CLBA1: variants seen among roughly 807,000 people sequenced by gnomAD.
The protein encoded by CLBA1 is uncharacterized protein CLBA1.
A neutral mutation model predicts 28.8 loss-of-function variants in CLBA1; 30 were observed. The observed-to-expected ratio is 1.04, with a 90% CI of 0.78 to 1.41. The LOEUF (loss-of-function observed/expected upper bound fraction) is 1.41, where lower values mean the gene tolerates loss of function less well. Among genes scored for constraint, CLBA1 ranks in the 40% most tolerant of loss-of-function variants. The pLI, the probability that CLBA1 is intolerant of heterozygous loss-of-function variation, is 0.00. For missense variants in CLBA1, 451 were observed against 412.3 expected (o/e 1.09, Z -0.81); for synonymous variants, 160 against 152.8 (o/e 1.05, Z -0.35).
intron 3 of CLBA1, among the ~76,000 whole-genome samples, chr14:104,992,226 C>T (rs538167808): frequency 7.3e-5 from 11 of 151,180 alleles, no homozygotes; most frequent in East Asian, 3.9e-4. Flanking sequence ...CATGCCGCCA[C>T]GCACACGCCA....
At chr14:104,998,279 T>C (rs1900191169), downstream of CLBA1, among the ~76,000 whole-genome samples, 1 of 151,786 alleles carries the variant, frequency 6.6e-6, no homozygotes, top group African/African-American at 2.4e-5. Flanking sequence ...CCTGGTGTGG[T>C]GGCGCTCACC....
In CLBA1 at chr14:104,986,477, C is replaced by T. The variant is rs764522465; in HGVS notation, c.46C>T (p.Gln16Ter). 9.3e-6 allele frequency: 15 copies of T among 1,613,220 alleles called. No individual in the cohort carries two copies. The highest frequency in any genetic ancestry group is 1.3e-5 in the Non-Finnish European group (15 of 1,180,028). The change falls in exon 1 of 5, where the codon CAG (glutamine) becomes TAG (stop). Residue 16 changes from glutamine to a stop codon, truncating the protein, a stop_gained. Coordinates refer to ENST00000547315, the MANE Select transcript of CLBA1 (RefSeq NM_174891.4). LOFTEE classifies it high-confidence loss of function. ...GGGGGGAGAGCCTTTGAGTGACCTC[C>T]AGGAGGAAGCAGCCAGCGCTTCCCT... The part of the protein sequence containing the change: ...ELGGEPLSDL[Q>*]EEAASASLRV...
rs1452476607 is a variant in CLBA1, at chr14:104,994,876, A to G, written c.*117A>G. On this transcript the variant is annotated 3_prime_UTR_variant, in exon 5 of 5. Transcript: ENST00000547315. ...TCCAGACCCCAGGCCCATTCCTGGG[A>G]TCTCTCCAACAGGACCTGTCCTGTG... 17 of 1,463,486 alleles carry G rather than the reference A, an allele frequency of 1.2e-5. No homozygotes were observed. Among genetic ancestry groups the G allele is most frequent in the South Asian group, 2.8e-5 (2 of 70,776 alleles). The allele number at this position is 1,463,486 out of a possible 1,614,324, so 90.7% of individuals were successfully genotyped here.
intron 2 of CLBA1, among the ~76,000 whole-genome samples, chr14:105,001,201 A>G (rs982054920): frequency 2.0e-5 from 3 of 152,222 alleles, no homozygotes; most frequent in African/African-American, 7.2e-5. Flanking sequence ...CGTGGAACCC[A>G]AAAAGTCAAA....
rs1339028883 is a variant in CLBA1, at chr14:104,995,307, T to TCAGA, written c.*548_*549insCAGA. ...GAGCCTCGCAGGTGCCCTCACTTAC[T>TCAGA]GCCTGGGCCCCTGCCCAGCAGCCTC... On this transcript the variant is annotated 3_prime_UTR_variant, in exon 5 of 5. Transcript: ENST00000547315. The TCAGA allele has an allele frequency of 1.0e-6, 1 of 985,404 alleles. No homozygotes were observed. Among genetic ancestry groups the TCAGA allele is most frequent in the African/African-American group, 1.7e-5 (1 of 57,228 alleles). The allele number at this position is 985,404 out of a possible 1,614,324, so 61.0% of individuals were successfully genotyped here.
At chr14:104,992,398 T>C (rs2140898282) in intron 3 of CLBA1, among the ~76,000 whole-genome samples, 1 of 152,332 alleles carries the variant, frequency 6.6e-6, no homozygotes, top group African/African-American at 2.4e-5. Context: ...TCTTAAATAT[T>C]ATGGAAATTT....
Position 104,991,585 on chromosome 14 carries a change from T to G in CLBA1, c.664T>G (p.Phe222Val), listed in dbSNP as rs1900022890. The G allele has an allele frequency of 3.7e-6, 6 of 1,613,342 alleles. No individual in the cohort carries two copies. In the Admixed American group the frequency reaches 1.0e-4, roughly 27 times the overall value. Residue 222 changes from phenylalanine (F) to valine (V), a missense_variant, in exon 3 of 5, where the codon TTC (phenylalanine) becomes GTC (valine). Physicochemically the swap from Phe to Val is conservative, Grantham distance 50. Transcript: ENST00000547315. ...GAGCGAGTCCCGTTGCCAGGAGAAC[T>G]TCTTTCTTGTTCTCGGAATAGATGC... The part of the protein sequence containing the change: ...LWSESRCQEN[F>V]FLVLGIDAAQ...
At position 104,991,635 on chromosome 14, in the gene CLBA1, T is replaced by C. The variant is rs756904368; in HGVS notation, c.699+15T>C. 2 of 1,601,290 alleles carry C rather than the reference T, an allele frequency of 1.2e-6. No homozygotes were observed. Among genetic ancestry groups the C allele is most frequent in the Non-Finnish European group, 1.7e-6 (2 of 1,173,264 alleles). On this transcript the variant is annotated intron_variant, in intron 3 of 4. Coordinates refer to ENST00000547315, the MANE Select transcript of CLBA1 (RefSeq NM_174891.4). ...CTGCGCAGAAGGTAGGCGGTTTGGG[T>C]TGACACAGGGCTCCTGGGAGTGTGG...
Position 104,988,056 on chromosome 14 carries a change from A to G in CLBA1, c.424-887A>G, listed in dbSNP as rs114052190. ...TGTTTTCCAGCGTGATTGATGTATT[A>G]GGGAACAATTAGAGCATAGTTGAAA... On this transcript the variant is annotated intron_variant, in intron 1 of 4. Coordinates refer to ENST00000547315, the MANE Select transcript of CLBA1 (RefSeq NM_174891.4). Among the ~76,000 whole-genome samples, 1,358 of 151,160 alleles carry G rather than the reference A, an allele frequency of 9.0e-3. 21 individuals carry two copies. Among genetic ancestry groups the G allele is most frequent in the African/African-American group, 0.032 (1,309 of 41,480 alleles).
chr14:105,001,062 A>G (rs1298332091), intron 2 of CLBA1, among the ~76,000 whole-genome samples: 2 of 100,448 alleles, frequency 2.0e-5, no homozygotes, highest in East Asian at 2.6e-4. Flanking sequence ...GATACTATTC[A>G]GCTGTAAAAA....
Position 104,993,007 on chromosome 14 carries a change from AC to A in CLBA1, c.760del (p.Leu254SerfsTer15). On this transcript the variant is annotated frameshift_variant, in exon 4 of 5. Coordinates refer to ENST00000547315, the MANE Select transcript of CLBA1 (RefSeq NM_174891.4). LOFTEE classifies it high-confidence loss of function. ...EDCDLKEPEG[L>X]LTVSSFCLQH... ...ATTGTGACCTCAAAGAGCCTGAAGG[AC>A]TCCTCACTGTCAGCAGCTTCTGTCT... The A allele has an allele frequency of 6.2e-7, 1 of 1,613,810 alleles. No individual in the cohort carries two copies.
At chr14:104,990,113 G>A (rs1303740858) in intron 2 of CLBA1, 2 of 192,634 alleles carry the variant, frequency 1.0e-5, no homozygotes, top group Non-Finnish European at 2.2e-5. Context: ...TGACGGTGGG[G>A]GTGGGCTCTG....
chr14:104,994,546 C>G, intron 4 of CLBA1, 52 bp from the exon 5 acceptor site: 1 of 1,556,594 alleles, frequency 6.4e-7, no homozygotes, highest in Non-Finnish European at 8.6e-7. Context: ...CCCAAGCTAG[C>G]GCTTCTCATT....
chr14:104,998,193 G>T (rs2140901799), downstream of CLBA1, among the ~76,000 whole-genome samples: 1 of 152,036 alleles, frequency 6.6e-6, no homozygotes, highest in South Asian at 2.1e-4. Context: ...GATTGCTTGA[G>T]GCCGGGAGTT....
downstream of CLBA1, among the ~76,000 whole-genome samples, chr14:104,998,560 C>T (rs568831420): frequency 6.6e-6 from 1 of 152,290 alleles, no homozygotes; most frequent in Non-Finnish European, 1.5e-5. Context: ...CCTGCCTTGG[C>T]CTCTCTTTTT....
rs61745867 is a variant in CLBA1, at chr14:104,991,586, T to A, written c.665T>A (p.Phe222Tyr). 0.016 allele frequency: 26,005 copies of A among 1,613,424 alleles called. 262 individuals are homozygous for A. Among genetic ancestry groups the A allele is most frequent in the Non-Finnish European group, 0.019 (22,002 of 1,179,676 alleles). Reference sequence around the variant, plus strand: ...AGCGAGTCCCGTTGCCAGGAGAACTTCTTTCTTGTTCTCGGAATAGATGCT... The same window carrying A: ...AGCGAGTCCCGTTGCCAGGAGAACTACTTTCTTGTTCTCGGAATAGATGCT... ...LWSESRCQEN[F>Y]FLVLGIDAAQ... Residue 222 changes from phenylalanine to tyrosine, a missense_variant, in exon 3 of 5, where the codon TTC becomes TAC. Phe to Tyr is a conservative substitution (Grantham distance 22, BLOSUM62 3). Coordinates refer to ENST00000547315, the MANE Select transcript of CLBA1 (RefSeq NM_174891.4).
chr14:104,999,327 C>T, downstream of CLBA1: 2 of 806,048 alleles, frequency 2.5e-6, no homozygotes, highest in Non-Finnish European at 3.0e-6. Context: ...GAGCCGTCAG[C>T]CACATCAGAG....
intron 1 of CLBA1, among the ~76,000 whole-genome samples, chr14:104,988,644 T>C (rs1234915632): frequency 6.6e-6 from 1 of 152,210 alleles, no homozygotes; most frequent in Non-Finnish European, 1.5e-5. Flanking sequence ...CGGCCGCATG[T>C]ATAATTTCTT....
In CLBA1 at chr14:104,988,988, A is replaced by G. The variant is rs746371532; in HGVS notation, c.469A>G (p.Ile157Val). 28 of 1,613,204 alleles carry G rather than the reference A, an allele frequency of 1.7e-5. No homozygotes were observed. In the South Asian group the frequency reaches 2.6e-4, roughly 15 times the overall value. Residue 157 changes from isoleucine to valine, a missense_variant, in exon 2 of 5, where the codon ATA becomes GTA. Physicochemically the swap from Ile to Val is conservative, Grantham distance 29 (BLOSUM62 3). Transcript: ENST00000547315. Reference sequence around the variant, plus strand: ...CATTTTAAAGTGTGCTTTTCAAGAAATAACAGTCCAGCAGGCAGCTGAAGA... The same window carrying G: ...CATTTTAAAGTGTGCTTTTCAAGAAGTAACAGTCCAGCAGGCAGCTGAAGA... Reference protein sequence around the residue: ...ENILKCAFQEITVQQAAEDVS... With the variant: ...ENILKCAFQEVTVQQAAEDVS...
Sources: gnomAD v4.1 joint callset for allele counts (sites outside exome capture counted in the v4.1 genomes callset) on GRCh38, gnomAD v4.1.1 for gene constraint, MANE v1.5 for transcripts, NCBI Gene and HGNC (gene_info 2026-07-23, HGNC 2026-07-21) for gene names.